Variants in AOC2 observed in about 807,000 individuals in gnomAD.
AOC2 encodes the protein amine oxidase [copper-containing] 2.
In AOC2, 57 loss-of-function variants were observed where a neutral mutation model predicts 53.8. That is an observed-to-expected ratio of 1.06 (90% CI 0.86 to 1.32). The LOEUF (loss-of-function observed/expected upper bound fraction) is 1.32. Among genes scored for constraint, AOC2 ranks in the 40% most tolerant of loss-of-function variants. The probability of loss-of-function intolerance (pLI) is 0.00; values close to 1 mark genes in which losing one functional copy is unlikely to be tolerated. For missense variants in AOC2, 1,008 were observed against 957.2 expected (o/e 1.05, Z -0.70); for synonymous variants, 404 against 399.0 (o/e 1.01, Z -0.15).
chr17:42,849,053 G>A, intron 1 of AOC2, 33 bp from the exon 2 acceptor site: 1 of 1,584,972 alleles, frequency 6.3e-7, no homozygotes, highest in Non-Finnish European at 8.6e-7. Flanking sequence ...CTTACCTGGT[G>A]TGGAACTCAT....
In AOC2 at chr17:42,846,134, T is replaced by C. The variant is rs761330253; in HGVS notation, c.1508T>C (p.Phe503Ser). 2.5e-6 allele frequency: 4 copies of C among 1,570,792 alleles called. No homozygotes were observed. The highest frequency in any genetic ancestry group is 3.5e-6 in the Non-Finnish European group (4 of 1,156,768). ...FLKGGEEGLL[F>S]GNRVGERVLG... The stretch of plus-strand genomic sequence containing the variant: ...AAAGGGGGAGAGGAGGGCCTCCTCT[T>C]TGGGAACCGTGTGGGGGAAAGAGTG... Residue 503 changes from phenylalanine to serine, a missense_variant, in exon 1 of 4, where the codon TTT becomes TCT. Physicochemically the swap from Phe to Ser is radical, Grantham distance 155 (BLOSUM62 -2). Transcript: ENST00000253799.
Position 42,845,359 on chromosome 17 carries a change from C to T in AOC2, c.733C>T (p.His245Tyr), listed in dbSNP as rs1221317633. The T allele has an allele frequency of 3.7e-6, 6 of 1,614,074 alleles. No homozygotes were observed. The Admixed American group carries it at 1.0e-4, about 27-fold the overall frequency. ...CGTGGGGCTGGAGCTACTACTGGAC[C>T]ACAGGGCCCTGGACCCTGCCCACTG... ...HPVGLELLLD[H>Y]RALDPAHWTV... Residue 245 changes from histidine to tyrosine, a missense_variant, in exon 1 of 4, where the codon CAC becomes TAC. His to Tyr is a moderately conservative substitution (Grantham distance 83, BLOSUM62 2). Transcript: ENST00000253799.
Position 42,850,530 on chromosome 17 carries a change from A to T in AOC2, c.*182A>T. ...ACTTCCTGTTCATCTCTAAAGTGTT[A>T]AATTATAAAAATGATTTTTAAATAT... On this transcript the variant is annotated 3_prime_UTR_variant, in exon 4 of 4. Coordinates refer to ENST00000253799, the MANE Select transcript of AOC2 (RefSeq NM_009590.4). 6.9e-6 allele frequency: 4 copies of T among 579,950 alleles called. No homozygotes were observed. The Admixed American group carries it at 1.1e-4, about 16-fold the overall frequency. The allele number at this position is 579,950 out of a possible 1,614,324, so 35.9% of individuals were successfully genotyped here. A position where few individuals can be genotyped will look rare whatever the true frequency, so the allele number is the denominator to read the frequency against.
In AOC2 at chr17:42,849,107, C is replaced by T. The variant is rs2055622396; in HGVS notation, c.1610C>T (p.Ala537Val). 1 of 1,609,638 alleles carries T rather than the reference C, an allele frequency of 6.2e-7. No homozygotes were observed. The change falls in exon 2 of 4, where the codon GCT becomes GTT. Residue 537 changes from alanine to valine, a missense_variant. Physicochemically the swap from Ala to Val is moderately conservative, Grantham distance 64 (BLOSUM62 0). Transcript: ENST00000253799. Reference protein sequence around the residue: ...DVAGLKNWVVAEDVVFKPVAA... With the variant: ...DVAGLKNWVVVEDVVFKPVAA... The stretch of plus-strand genomic sequence containing the variant: ...GCAGGGCTGAAAAACTGGGTGGTAG[C>T]TGAAGACGTGGTGTTTAAACCTGTG...
Position 42,844,782 on chromosome 17 carries a change from G to T in AOC2, c.156G>T (p.Gln52His). The T allele has an allele frequency of 6.2e-7, 1 of 1,614,228 alleles. No individual in the cohort carries two copies. Among genetic ancestry groups the T allele is most frequent in the Non-Finnish European group, 8.5e-7 (1 of 1,180,028 alleles). ...CCCAGCCCTGGCCACACCCTGGCCA[G>T]AGCCAGCTGTTTGCAGACCTGAGCC... is the stretch of plus-strand genomic sequence containing the variant. ...HRAQPWPHPG[Q>H]SQLFADLSRE... Residue 52 changes from glutamine (Q) to histidine (H), a missense_variant, in exon 1 of 4, where the codon CAG (glutamine) becomes CAT (histidine). Coordinates refer to ENST00000253799, the MANE Select transcript of AOC2 (RefSeq NM_009590.4).
In AOC2 at chr17:42,850,189, T is replaced by G; in HGVS notation, c.2112T>G (p.Tyr704Ter). 2 of 1,614,190 alleles carry G rather than the reference T, an allele frequency of 1.2e-6. No individual in the cohort carries two copies. The highest frequency in any genetic ancestry group is 1.3e-5 in the African/African-American group (1 of 75,032). ...GAGTTGGCTTCTTGCTCCGACCCTA[T>G]AACTTCTTTGATGAGGACCCCTCCA... ...GNRVGFLLRP[Y>*]NFFDEDPSIF... The change falls in exon 4 of 4, where the codon TAT becomes TAG. Residue 704 changes from tyrosine to a stop codon, truncating the protein, a stop_gained. Coordinates refer to ENST00000253799, the MANE Select transcript of AOC2 (RefSeq NM_009590.4). LOFTEE classifies it high-confidence loss of function.
rs1304052349 is a variant in AOC2 at position 42,845,054 on chromosome 17, C to T, written c.428C>T (p.Pro143Leu). Reference protein sequence around the residue: ...NVSELVVGPLPHPSYMRDVTV... With the variant: ...NVSELVVGPLLHPSYMRDVTV... ...AGTGAGCTGGTGGTGGGGCCGCTGCCTCACCCCTCGTACATGCGGGATGTG... is the reference window on the plus strand; with the variant it reads ...AGTGAGCTGGTGGTGGGGCCGCTGCTTCACCCCTCGTACATGCGGGATGTG... Residue 143 changes from proline to leucine, a missense_variant, in exon 1 of 4, where the codon CCT becomes CTT. By Grantham distance (98) the Pro-to-Leu change is moderately conservative. Transcript: ENST00000253799. The T allele has an allele frequency of 6.2e-7, 1 of 1,613,768 alleles. No homozygotes were observed. The highest frequency in any genetic ancestry group is 8.5e-7 in the Non-Finnish European group (1 of 1,180,024).
intron 1 of AOC2, among the ~76,000 whole-genome samples, chr17:42,848,806 C>T (rs1046378428): frequency 7.9e-5 from 12 of 152,130 alleles, no homozygotes; most frequent in Non-Finnish European, 1.3e-4. Flanking sequence ...CCGCCTCAGC[C>T]TCCCAAAGTG....
chr17:42,847,926 T>A (rs2055611524), intron 1 of AOC2, among the ~76,000 whole-genome samples: 1 of 151,832 alleles, frequency 6.6e-6, no homozygotes, highest in African/African-American at 2.4e-5. Context: ...CCACCACACC[T>A]GGCTAATTTT....
intron 1 of AOC2, among the ~76,000 whole-genome samples, chr17:42,846,596 G>A (rs1328738103): frequency 6.6e-6 from 1 of 152,202 alleles, no homozygotes; most frequent in Non-Finnish European, 1.5e-5. Context: ...AGGGTCAGTA[G>A]GGGTGGGGAG....
chr17:42,846,288 C>G (rs1231911833), intron 1 of AOC2, 74 bp downstream of exon 1: 2 of 1,449,606 alleles, frequency 1.4e-6, no homozygotes, highest in Non-Finnish European at 1.8e-6. Context: ...AAGGGAATCT[C>G]CCAGGTCAAG....
chr17:42,846,338 A>G, intron 1 of AOC2, 124 bp downstream of exon 1: 1 of 1,100,052 alleles, frequency 9.1e-7, no homozygotes, highest in Non-Finnish European at 1.3e-6. Context: ...TTCCAACACC[A>G]CAGCTCTAGT....
rs371338015 is a variant in AOC2, at chr17:42,847,723, A to G, written c.1589-1363A>G. 3.3e-5 allele frequency among the ~76,000 whole-genome samples: 5 copies of G among 151,582 alleles called. No homozygotes were observed. The East Asian group carries it at 7.8e-4, about 24-fold the overall frequency. On this transcript the variant is annotated intron_variant, in intron 1 of 3. Coordinates refer to ENST00000253799, the MANE Select transcript of AOC2 (RefSeq NM_009590.4). ...AGCCCTGACCTCCTGGGCTCAAGCAATCCTCCTGCCTCAGCCTCCTTAGTA... is the reference window on the plus strand; with the variant it reads ...AGCCCTGACCTCCTGGGCTCAAGCAGTCCTCCTGCCTCAGCCTCCTTAGTA...
At position 42,850,371 on chromosome 17, in the gene AOC2, G is replaced by A. The variant is rs371391603; in HGVS notation, c.*23G>A. 90 of 1,565,978 alleles carry A rather than the reference G, an allele frequency of 5.7e-5. No individual in the cohort carries two copies. Among genetic ancestry groups the A allele is most frequent in the Admixed American group, 3.4e-4 (19 of 56,044 alleles). ...TAGTCCTGAGGGTGTGGCGGGCGGC[G>A]TGGTTAGGCACATGTACTTTTCCCT... On this transcript the variant is annotated 3_prime_UTR_variant, in exon 4 of 4. Coordinates refer to ENST00000253799, the MANE Select transcript of AOC2 (RefSeq NM_009590.4).
In AOC2 at chr17:42,846,112, G is replaced by T; in HGVS notation, c.1486G>T (p.Gly496Trp). 1 of 1,589,854 alleles carries T rather than the reference G, an allele frequency of 6.3e-7. No homozygotes were observed. Among genetic ancestry groups the T allele is most frequent in the Non-Finnish European group, 8.6e-7 (1 of 1,165,098 alleles). ...TGYINTAFLK[G>W]GEEGLLFGNR... is the part of the protein sequence containing the mutation. ...TTATATCAACACAGCTTTCCTGAAAGGGGGAGAGGAGGGCCTCCTCTTTGG... is the reference window on the plus strand; with the variant it reads ...TTATATCAACACAGCTTTCCTGAAATGGGGAGAGGAGGGCCTCCTCTTTGG... The change falls in exon 1 of 4, where the codon GGG becomes TGG. Residue 496 changes from glycine (G) to tryptophan (W), a missense_variant. Gly to Trp is a radical substitution (Grantham distance 184). Coordinates refer to ENST00000253799, the MANE Select transcript of AOC2 (RefSeq NM_009590.4).
In AOC2 at chr17:42,849,290, G is replaced by C. The variant is rs1361214981; in HGVS notation, c.1793G>C (p.Gly598Ala). The change falls in exon 2 of 4, where the codon GGG (glycine) becomes GCG (alanine). Residue 598 changes from glycine to alanine, a missense_variant. Transcript: ENST00000253799. Reference protein sequence around the residue: ...NQTNAWGHQRGYRIQIHSPLG... With the variant: ...NQTNAWGHQRAYRIQIHSPLG... ...ACTAATGCGTGGGGTCACCAGCGCG[G>C]GTACCGAATCCAGATCCACAGCCCC... 6.2e-7 allele frequency: 1 copy of C among 1,614,184 alleles called. No homozygotes were observed. Among genetic ancestry groups the C allele is most frequent in the Non-Finnish European group, 8.5e-7 (1 of 1,180,026 alleles).
rs947307184 is a variant in AOC2 at position 42,849,452 on chromosome 17, C to T, written c.1874+81C>T. On this transcript the variant is annotated intron_variant, in intron 2 of 3. Transcript: ENST00000253799. Reference sequence around the variant, plus strand: ...TCCTTGGAGACAAACTCCCTTCCCACGGCTACCATTCATCCCTGTACCTCC... The same window carrying T: ...TCCTTGGAGACAAACTCCCTTCCCATGGCTACCATTCATCCCTGTACCTCC... 173 of 1,574,468 alleles carry T rather than the reference C, an allele frequency of 1.1e-4. 1 individual carries two copies. The highest frequency in any genetic ancestry group is 5.7e-4 in the African/African-American group (42 of 74,272).
At chr17:42,849,790 A>G in intron 3 of AOC2, 60 bp downstream of exon 3, 1 of 1,610,348 alleles carries the variant, frequency 6.2e-7, no homozygotes, top group Non-Finnish European at 8.5e-7. Context: ...TTGGCTGCCC[A>G]GCCTCTGGCC....
intron 2 of AOC2, 81 bp downstream of exon 2, chr17:42,849,452 C>A: frequency 6.4e-7 from 1 of 1,574,470 alleles, no homozygotes. Flanking sequence ...TCCCTTCCCA[C>A]GGCTACCATT....
Sources: gnomAD v4.1 joint callset for allele counts (sites outside exome capture counted in the v4.1 genomes callset) on GRCh38, gnomAD v4.1.1 for gene constraint, MANE v1.5 for transcripts, NCBI Gene and HGNC (gene_info 2026-07-23, HGNC 2026-07-21) for gene names.